The following LDLRAD3 variants were observed in gnomAD, a reference collection of about 807,000 sequenced individuals.
The protein encoded by LDLRAD3 is low-density lipoprotein receptor class A domain-containing protein 3.
A neutral mutation model predicts 29.4 loss-of-function variants in LDLRAD3; 20 were observed. The ratio of observed to expected loss-of-function variants is 0.68; its 90% confidence interval spans 0.48 to 0.99. LDLRAD3 has a LOEUF of 0.99. Ranked by LOEUF, LDLRAD3 falls within the 50% of genes least tolerant of loss-of-function variation. LDLRAD3 has a pLI of 0.00. For synonymous variants in LDLRAD3, 157 were observed against 192.7 expected (o/e 0.81, Z 1.53); for missense variants, 420 against 454.3 (o/e 0.92, Z 0.69).
intron 2 of LDLRAD3, among the ~76,000 whole-genome samples, chr11:36,066,680 T>C (rs1852799630): frequency 6.6e-6 from 1 of 152,210 alleles, no homozygotes. Flanking sequence ...TAAAAGTACT[T>C]TAAAGGTCGA....
chr11:35,971,341 A>C (rs1164436918), intron 1 of LDLRAD3, among the ~76,000 whole-genome samples: 3 of 152,016 alleles, frequency 2.0e-5, no homozygotes, highest in Non-Finnish European at 2.9e-5. Context: ...CATCCCCAAA[A>C]CTCATATGTT....
At chr11:36,091,710 A>G (rs745891448) in intron 3 of LDLRAD3, among the ~76,000 whole-genome samples, 9 of 152,244 alleles carry the variant, frequency 5.9e-5, no homozygotes, top group African/African-American at 9.6e-5. Flanking sequence ...TAACTGAGTA[A>G]CATAATACAT....
chr11:36,193,585 TACTGCC>T (rs1406950396), intron 4 of LDLRAD3, among the ~76,000 whole-genome samples: 1 of 152,226 alleles, frequency 6.6e-6, no homozygotes, highest in Non-Finnish European at 1.5e-5. Context: ...CCTTTGTGCC[TACTGCC>T]TCTGTGTGCT....
At chr11:36,177,838 C>A (rs1854701763) in intron 4 of LDLRAD3, among the ~76,000 whole-genome samples, 1 of 152,180 alleles carries the variant, frequency 6.6e-6, no homozygotes. Flanking sequence ...GGAGGTGATG[C>A]TTTCAAGAGA....
intron 4 of LDLRAD3, among the ~76,000 whole-genome samples, chr11:36,164,238 G>A (rs529315392): frequency 5.3e-5 from 8 of 152,336 alleles, no homozygotes; most frequent in African/African-American, 1.9e-4. Flanking sequence ...AAGCACATGG[G>A]CGTTGGGTTT....
intron 4 of LDLRAD3, among the ~76,000 whole-genome samples, chr11:36,205,332 C>T (rs910712082): frequency 5.6e-4 from 86 of 152,280 alleles, no homozygotes; most frequent in African/African-American, 4.8e-4. Context: ...TGGCTCTTTT[C>T]GTGCTCCCCT....
chr11:36,218,389 AT>A (rs1413813757), intron 4 of LDLRAD3, among the ~76,000 whole-genome samples: 1 of 152,164 alleles, frequency 6.6e-6, no homozygotes, highest in African/African-American at 2.4e-5. Flanking sequence ...AGGTTCCTTG[AT>A]CTGAAGAATT....
At chr11:36,201,073 T>C (rs1041251463) in intron 4 of LDLRAD3, among the ~76,000 whole-genome samples, 3 of 152,192 alleles carry the variant, frequency 2.0e-5, no homozygotes, top group African/African-American at 7.2e-5. Flanking sequence ...CATGCCAGAT[T>C]GCAGTTGGGT....
At chr11:36,016,378 A>G (rs1319799365) in intron 1 of LDLRAD3, among the ~76,000 whole-genome samples, 5 of 152,056 alleles carry the variant, frequency 3.3e-5, no homozygotes, top group Admixed American at 3.3e-4. Context: ...TGTATCAAGT[A>G]CTCTTATCCC....
rs1374118617 is a variant in LDLRAD3 at position 36,229,635 on chromosome 11, C to T, written c.*238C>T. ...GTCAGGTCACTCTTCCCTTGGGACC[C>T]GAGATCACACCCTCATTTTTCACAT... On this transcript the variant is annotated 3_prime_UTR_variant, in exon 6 of 6. Coordinates refer to ENST00000315571, the MANE Select transcript of LDLRAD3 (RefSeq NM_174902.4). 8 of 471,282 alleles carry T rather than the reference C, an allele frequency of 1.7e-5. No homozygotes were observed. Among genetic ancestry groups the T allele is most frequent in the South Asian group, 5.0e-5 (1 of 20,086 alleles). The allele number at this position is 471,282 out of a possible 1,614,324, so 29.2% of individuals were successfully genotyped here.
rs1855579695 is a variant in LDLRAD3 at position 36,231,761 on chromosome 11, T to TAG, written c.*2364_*2365insAG. 2 of 152,142 alleles carry TAG rather than the reference T, an allele frequency of 1.3e-5. No homozygotes were observed. Among genetic ancestry groups the TAG allele is most frequent in the East Asian group, 3.9e-4 (2 of 5,190 alleles). 9.4% of individuals were successfully genotyped at this position (152,142 alleles called of 1,614,324 possible). A position where few individuals can be genotyped will look rare whatever the true frequency, so the allele number is the denominator to read the frequency against. On this transcript the variant is annotated 3_prime_UTR_variant, in exon 6 of 6. Transcript: ENST00000315571. ...AGGGTTTTTTTGGGGGGGAGGGGGT[T>TAG]TGTTTTCCAACTCAAGATGGCACAT...
intron 4 of LDLRAD3, among the ~76,000 whole-genome samples, chr11:36,162,784 A>G (rs1308190413): frequency 6.6e-6 from 1 of 152,206 alleles, no homozygotes; most frequent in Non-Finnish European, 1.5e-5. Context: ...GAAATGCCCA[A>G]TTTGGTATGG....
chr11:36,140,551 C>T (rs1418618463), intron 4 of LDLRAD3, among the ~76,000 whole-genome samples: 1 of 152,138 alleles, frequency 6.6e-6, no homozygotes, highest in Non-Finnish European at 1.5e-5. Flanking sequence ...ACCTCAGTCT[C>T]CTGAGTAGCT....
intron 1 of LDLRAD3, among the ~76,000 whole-genome samples, chr11:36,003,344 T>A (rs934543836): frequency 3.9e-5 from 6 of 152,282 alleles, no homozygotes; most frequent in African/African-American, 1.4e-4. Context: ...GTGAATGGGG[T>A]GTGTTGCTTT....
intron 4 of LDLRAD3, among the ~76,000 whole-genome samples, chr11:36,141,017 TCTCTCTC>T (rs1280380365): frequency 4.0e-5 from 6 of 151,440 alleles, no homozygotes; most frequent in African/African-American, 1.5e-4. Context: ...TCTCTCTCTC[TCTCTCTC>T]TCTCTCTCTC....
intron 3 of LDLRAD3, among the ~76,000 whole-genome samples, chr11:36,091,007 A>T (rs987244426): frequency 2.6e-5 from 4 of 152,148 alleles, no homozygotes; most frequent in Non-Finnish European, 5.9e-5. Context: ...TGTTGTCGGG[A>T]TGATTTGCAG....
intron 3 of LDLRAD3, among the ~76,000 whole-genome samples, chr11:36,092,209 C>A (rs1026818379): frequency 7.9e-5 from 12 of 152,218 alleles, no homozygotes; most frequent in Admixed American, 2.6e-4. Context: ...GGCTATAATA[C>A]AGGGTTGCCT....
intron 4 of LDLRAD3, among the ~76,000 whole-genome samples, chr11:36,191,442 C>G (rs1349097972): frequency 1.3e-5 from 2 of 151,310 alleles, no homozygotes; most frequent in Admixed American, 6.6e-5. Flanking sequence ...ACTCCAGAGG[C>G]TGAGATTGGA....
chr11:36,070,526 C>A (rs1852882002), intron 2 of LDLRAD3, among the ~76,000 whole-genome samples: 1 of 152,126 alleles, frequency 6.6e-6, no homozygotes, highest in Non-Finnish European at 1.5e-5. Context: ...GAGTCATGGC[C>A]AGAGTAGGTC....
Sources: gnomAD v4.1 joint callset for allele counts (sites outside exome capture counted in the v4.1 genomes callset) on GRCh38, gnomAD v4.1.1 for gene constraint, MANE v1.5 for transcripts, NCBI Gene and HGNC (gene_info 2026-07-23, HGNC 2026-07-21) for gene names.